Variants in ORMDL3 observed in about 807,000 individuals in gnomAD.
ORMDL3 encodes the protein ORM1-like protein 3.
ORMDL3 carries 6 observed loss-of-function variants against 12.6 expected under a neutral mutation model. That is an observed-to-expected ratio of 0.48 (90% confidence interval 0.26 to 0.94). The LOEUF is 0.94. Ranked by LOEUF, ORMDL3 falls within the 40% of genes least tolerant of loss-of-function variation. The pLI is 0.14. For synonymous variants in ORMDL3, 99 were observed against 87.2 expected, an observed-to-expected ratio of 1.14 and a Z score of -0.75; for missense variants, 159 against 205.5, an observed-to-expected ratio of 0.77 and a Z score of 1.38.
Position 39,922,491 on chromosome 17 carries a change from C to A in ORMDL3, c.*59G>T. Reference sequence around the variant, plus strand: ...CTTCTTTCTGTCTTCAGTGTTGCAGCACATGCCTTTTACCCTACCCCTCCC... The same window carrying A: ...CTTCTTTCTGTCTTCAGTGTTGCAGAACATGCCTTTTACCCTACCCCTCCC... On this transcript the variant is annotated 3_prime_UTR_variant, in exon 4 of 4. Transcript: ENST00000304046. 6 of 1,559,364 alleles carry A rather than the reference C, an allele frequency of 3.8e-6. No homozygotes were observed. The highest frequency in any genetic ancestry group is 5.2e-6 in the Non-Finnish European group (6 of 1,149,976).
chr17:39,924,614 C>G (rs867092868), intron 1 of ORMDL3: 1 of 184,746 alleles, frequency 5.4e-6, no homozygotes, highest in South Asian at 1.1e-4. Flanking sequence ...CTCAGCACAA[C>G]CCCTGCTGGA....
At chr17:39,922,709 G>GAT in intron 3 of ORMDL3, 24 bp from the exon 4 acceptor site, 1 of 1,609,576 alleles carries the variant, frequency 6.2e-7, no homozygotes, top group South Asian at 1.1e-5. Context: ...GGTGGGGAGA[G>GAT]ATATAAAAGA....
At position 39,921,578 on chromosome 17, in the gene ORMDL3, G is replaced by A. The variant is rs1202340677; in HGVS notation, c.*972C>T. ...TCACAGCTTCCCCATACCCCCGCAG[G>A]AGTCAGGGCCAAGTTGGACCTGTGC... On this transcript the variant is annotated 3_prime_UTR_variant, in exon 4 of 4. Transcript: ENST00000304046. 2 of 152,494 alleles carry A rather than the reference G, an allele frequency of 1.3e-5. No individual in the cohort carries two copies. The highest frequency in any genetic ancestry group is 6.5e-5 in the Admixed American group (1 of 15,288). 9.4% of individuals were successfully genotyped at this position (152,494 alleles called of 1,614,324 possible).
intron 1 of ORMDL3, chr17:39,924,774 T>G (rs2144747945): frequency 6.5e-6 from 1 of 152,678 alleles, no homozygotes; most frequent in South Asian, 2.1e-4. Context: ...TTTTTTCAAT[T>G]CTGGATCTCC....
At chr17:39,924,496 G>A (rs979474376) in intron 1 of ORMDL3, among the ~76,000 whole-genome samples, 2 of 152,150 alleles carry the variant, frequency 1.3e-5, no homozygotes, top group Non-Finnish European at 2.9e-5. Flanking sequence ...GTCATCAAGA[G>A]GCACGCAGCC....
intron 1 of ORMDL3, 118 bp downstream of exon 1, chr17:39,927,366 T>G: frequency 4.5e-6 from 3 of 664,572 alleles, no homozygotes; most frequent in Non-Finnish European, 5.5e-6. Context: ...ATGCACTCCC[T>G]CCACCCCCCA....
intron 1 of ORMDL3, chr17:39,926,921 C>A (rs1296364731): frequency 3.0e-6 from 3 of 985,968 alleles, no homozygotes; most frequent in South Asian, 4.7e-5. Context: ...TCCGCCCACC[C>A]CCCAAGCTGC....
intron 1 of ORMDL3, among the ~76,000 whole-genome samples, 157 bp from the exon 2 acceptor site, chr17:39,924,382 GGAC>G (rs1391751646): frequency 2.0e-5 from 3 of 152,204 alleles, no homozygotes; most frequent in African/African-American, 7.2e-5. Context: ...AAGTCCATGT[GGAC>G]TTAGCTCTAC....
chr17:39,923,596 C>G (rs1432920418), intron 2 of ORMDL3, among the ~76,000 whole-genome samples: 1 of 151,976 alleles, frequency 6.6e-6, no homozygotes, highest in African/African-American at 2.4e-5. Context: ...CCTGCTTACC[C>G]GACAAAGAGT....
chr17:39,923,624 G>T (rs1309921691), intron 2 of ORMDL3, among the ~76,000 whole-genome samples: 1 of 152,178 alleles, frequency 6.6e-6, no homozygotes, highest in Non-Finnish European at 1.5e-5. Context: ...AGCAAGTGGT[G>T]AGGGAGCAGA....
Position 39,922,503 on chromosome 17 carries a change from A to ACCCTAC in ORMDL3, c.*41_*46dup. 1 of 1,588,128 alleles carries ACCCTAC rather than the reference A, an allele frequency of 6.3e-7. No individual in the cohort carries two copies. Among genetic ancestry groups the ACCCTAC allele is most frequent in the Non-Finnish European group, 8.6e-7 (1 of 1,167,164 alleles). On this transcript the variant is annotated 3_prime_UTR_variant, in exon 4 of 4. Transcript: ENST00000304046. ...TTCAGTGTTGCAGCACATGCCTTTT[A>ACCCTAC]CCCTACCCCTCCCCTGCCACCCTGG... is the stretch of plus-strand genomic sequence containing the variant.
intron 2 of ORMDL3, 110 bp downstream of exon 2, chr17:39,923,920 C>T (rs1978318934): frequency 1.7e-6 from 2 of 1,163,552 alleles, no homozygotes; most frequent in South Asian, 3.2e-5. Flanking sequence ...CAGTACATCA[C>T]CCTGACACCT....
In ORMDL3 at chr17:39,922,605, A is replaced by T; in HGVS notation, c.407T>A (p.Ile136Asn). The T allele has an allele frequency of 6.2e-7, 1 of 1,614,064 alleles. No individual in the cohort carries two copies. Among genetic ancestry groups the T allele is most frequent in the Non-Finnish European group, 8.5e-7 (1 of 1,180,026 alleles). The change falls in exon 4 of 4, where the codon ATC becomes AAC. Residue 136 changes from isoleucine (I) to asparagine (N), a missense_variant. By Grantham distance (149) the Ile-to-Asn change is moderately radical. Coordinates refer to ENST00000304046, the MANE Select transcript of ORMDL3 (RefSeq NM_139280.4). The stretch of plus-strand genomic sequence containing the variant: ...TCCGTGGAGCTGGGGCAGCTTGGGG[A>T]TAAGCACGCTCATCAGGGACACGGT... ...LNTVSLMSVL[I>N]PKLPQLHGVR...
rs1978300452 is a variant in ORMDL3 at position 39,922,213 on chromosome 17, GTT to G, written c.*335_*336del. On this transcript the variant is annotated 3_prime_UTR_variant, in exon 4 of 4. Transcript: ENST00000304046. Reference sequence around the variant, plus strand: ...CCTGAGGGCAAACAAGTGAGCAGGGGTTTTTCCCCTGGCCTCCTGTCGCAACT... The same window carrying G: ...CCTGAGGGCAAACAAGTGAGCAGGGGTTTCCCCTGGCCTCCTGTCGCAACT... The G allele has an allele frequency of 4.9e-6, 1 of 205,180 alleles. No homozygotes were observed. Among genetic ancestry groups the G allele is most frequent in the Admixed American group, 5.6e-5 (1 of 17,970 alleles). 12.7% of individuals were successfully genotyped at this position (205,180 alleles called of 1,614,324 possible).
rs937954209 is a variant in ORMDL3 at position 39,922,278 on chromosome 17, CATGACCAACTCCATGGAGTCTCT to C, written c.*249_*271del. The C allele has an allele frequency of 1.3e-5, 4 of 319,514 alleles. No homozygotes were observed. Among genetic ancestry groups the C allele is most frequent in the Non-Finnish European group, 2.3e-5 (4 of 171,926 alleles). 19.8% of individuals were successfully genotyped at this position (319,514 alleles called of 1,614,324 possible). ...TTCAGCCCAGGAGCCCAGCCCATTC[CATGACCAACTCCATGGAGTCTCT>C]ATTCAAAAAGCAAAAGGAAAAGATC... On this transcript the variant is annotated 3_prime_UTR_variant, in exon 4 of 4. Coordinates refer to ENST00000304046, the MANE Select transcript of ORMDL3 (RefSeq NM_139280.4).
intron 2 of ORMDL3, 112 bp from the exon 3 acceptor site, chr17:39,923,375 CT>C: frequency 1.6e-6 from 2 of 1,265,364 alleles, no homozygotes; most frequent in Non-Finnish European, 2.2e-6. Context: ...CCTCCCTCTG[CT>C]GGGCAGGGGG....
intron 1 of ORMDL3, chr17:39,927,132 C>A: frequency 3.9e-6 from 2 of 513,270 alleles, no homozygotes; most frequent in Non-Finnish European, 2.5e-6. Flanking sequence ...CGCTCTGTTC[C>A]CCAGCCTGGG....
intron 1 of ORMDL3, chr17:39,926,261 TC>T (rs5820311): frequency 0.029 from 4,369 of 152,118 alleles, 215 homozygotes; most frequent in African/African-American, 0.1. Flanking sequence ...TAGACCTAGG[TC>T]CTAGCCAACA....
At position 39,922,447 on chromosome 17, in the gene ORMDL3, T is replaced by C. The variant is rs1476478562; in HGVS notation, c.*103A>G. ...AGGCCAGAGGCTCAACCCCCATCTC[T>C]GGCAGTGTCCAGAGGCTTCTTCTTT... On this transcript the variant is annotated 3_prime_UTR_variant, in exon 4 of 4. Coordinates refer to ENST00000304046, the MANE Select transcript of ORMDL3 (RefSeq NM_139280.4). 3 of 1,367,840 alleles carry C rather than the reference T, an allele frequency of 2.2e-6. No homozygotes were observed. Among genetic ancestry groups the C allele is most frequent in the Non-Finnish European group, 3.0e-6 (3 of 1,015,358 alleles). The allele number at this position is 1,367,840 out of a possible 1,614,324, so 84.7% of individuals were successfully genotyped here. A position where few individuals can be genotyped will look rare whatever the true frequency, so the allele number is the denominator to read the frequency against.
Sources: allele counts gnomAD v4.1 joint callset (sites outside exome capture counted in the v4.1 genomes callset), GRCh38; gene constraint gnomAD v4.1.1; transcripts MANE v1.5; gene names NCBI Gene and HGNC (gene_info 2026-07-23, HGNC 2026-07-21).